The following LCA5 variants were observed in gnomAD, a reference collection of about 807,000 sequenced individuals.
LCA5 encodes lebercilin.
Under a neutral mutation model 53.0 loss-of-function variants are expected in LCA5, and 37 were observed. That is an observed-to-expected ratio of 0.70 (90% CI 0.54 to 0.92). The LOEUF (loss-of-function observed/expected upper bound fraction) is 0.92, where lower values mean the gene tolerates loss of function less well. Ranked by LOEUF, LCA5 falls within the 40% of genes least tolerant of loss-of-function variation. The probability of loss-of-function intolerance (pLI) is 0.00; values close to 1 mark genes in which losing one functional copy is unlikely to be tolerated. For missense variants in LCA5, 806 were observed against 790.5 expected, an observed-to-expected ratio of 1.02 and a Z score of -0.23; for synonymous variants, 303 against 282.9, an observed-to-expected ratio of 1.07 and a Z score of -0.71.
intron 2 of LCA5, among the ~76,000 whole-genome samples, chr6:79,518,397 T>G (rs1222252103): frequency 6.6e-6 from 1 of 152,084 alleles, no homozygotes; most frequent in African/African-American, 2.4e-5. Context: ...TTATAAACTT[T>G]TTTGCCTTTA....
upstream of LCA5, among the ~76,000 whole-genome samples, chr6:79,537,690 G>C (rs1767198298): frequency 6.6e-6 from 1 of 152,222 alleles, no homozygotes; most frequent in Non-Finnish European, 1.5e-5. Context: ...TGGGCTCCGA[G>C]AGGGACGCGG....
chr6:79,537,438 G>C (rs1562118037), upstream of LCA5: 1 of 152,366 alleles, frequency 6.6e-6, no homozygotes, highest in East Asian at 1.9e-4. Flanking sequence ...ACTGCACTAC[G>C]AAGAGACCGC....
intron 2 of LCA5, 40 bp from the exon 3 acceptor site, chr6:79,513,781 C>T: frequency 2.5e-6 from 4 of 1,585,598 alleles, no homozygotes; most frequent in Non-Finnish European, 3.5e-6. Context: ...GAAAGCTGTA[C>T]CAAACACAGT....
intron 1 of LCA5, among the ~76,000 whole-genome samples, chr6:79,532,133 G>A (rs1766977004): frequency 6.6e-6 from 1 of 152,060 alleles, no homozygotes; most frequent in Non-Finnish European, 1.5e-5. Context: ...GATTGTCCTG[G>A]ATTCCTTCTT....
intron 1 of LCA5, among the ~76,000 whole-genome samples, chr6:79,521,518 AATT>A (rs1036260103): frequency 1.3e-5 from 2 of 152,238 alleles, no homozygotes; most frequent in African/African-American, 4.8e-5. Flanking sequence ...ACAAATGAGT[AATT>A]ATTATTGGTG....
At chr6:79,509,790 A>T (rs1054618478) in intron 3 of LCA5, among the ~76,000 whole-genome samples, 1 of 152,214 alleles carries the variant, frequency 6.6e-6, no homozygotes, top group African/African-American at 2.4e-5. Flanking sequence ...ATTTAAGTAT[A>T]AATCTAAAAC....
At chr6:79,488,442 G>T (rs1376814574) in intron 7 of LCA5, 2 of 153,358 alleles carry the variant, frequency 1.3e-5, no homozygotes, top group Non-Finnish European at 2.9e-5. Context: ...GATTAAAGAA[G>T]ACTGAAGAGA....
chr6:79,519,856 TATC>T (rs1407973761), intron 1 of LCA5, among the ~76,000 whole-genome samples: 6 of 152,130 alleles, frequency 3.9e-5, no homozygotes, highest in African/African-American at 1.2e-4. Flanking sequence ...AAAAAATTGT[TATC>T]ATCTTCAATA....
intron 1 of LCA5, among the ~76,000 whole-genome samples, chr6:79,531,589 C>T (rs1766960665): frequency 1.3e-5 from 2 of 152,164 alleles, no homozygotes; most frequent in Admixed American, 6.6e-5. Context: ...GTCAAGCTCA[C>T]CAATGACATT....
chr6:79,488,952 A>T, intron 7 of LCA5, 132 bp downstream of exon 7: 1 of 1,011,588 alleles, frequency 9.9e-7, no homozygotes. Context: ...GCCATCCCCT[A>T]CCACTGTATC....
At position 79,487,752 on chromosome 6, in the gene LCA5, T is replaced by C. The variant is rs1769711427; in HGVS notation, c.1346A>G (p.Gln449Arg). 1.9e-6 allele frequency: 3 copies of C among 1,613,768 alleles called. No individual in the cohort carries two copies. The East Asian group carries it at 6.7e-5, about 36-fold the overall frequency. Reference sequence around the variant, plus strand: ...CTCTCCTTGCAATTTATCCATATTCTGAATTGGATACATTCCTAGTTGGTA... The same window carrying C: ...CTCTCCTTGCAATTTATCCATATTCCGAATTGGATACATTCCTAGTTGGTA... Reference protein sequence around the residue: ...GRYQLGMYPIQNMDKLQGEEE... With the variant: ...GRYQLGMYPIRNMDKLQGEEE... The change falls in exon 8 of 8, where the codon CAG becomes CGG. Residue 449 changes from glutamine to arginine, a missense_variant. Coordinates refer to ENST00000369846, the MANE Select transcript of LCA5 (RefSeq NM_001122769.3).
chr6:79,507,167 A>G (rs1309844913), intron 3 of LCA5, among the ~76,000 whole-genome samples: 1 of 152,200 alleles, frequency 6.6e-6, no homozygotes, highest in Non-Finnish European at 1.5e-5. Context: ...TTGAAGCAGA[A>G]GCAGATATGA....
At chr6:79,532,472 G>A (rs1766985973) in intron 1 of LCA5, among the ~76,000 whole-genome samples, 1 of 152,094 alleles carries the variant, frequency 6.6e-6, no homozygotes. Flanking sequence ...ACTTATACAA[G>A]GTCTAGTCCT....
chr6:79,518,337 G>T (rs938043352), intron 2 of LCA5, among the ~76,000 whole-genome samples: 1 of 151,860 alleles, frequency 6.6e-6, no homozygotes, highest in Admixed American at 6.6e-5. Flanking sequence ...ACTTTATGTC[G>T]ATGCTTTTTC....
In LCA5 at chr6:79,485,071, T is replaced by C. The variant is rs1769607488; in HGVS notation, c.*1933A>G. ...TTAGAAAAAAAAACAATTTACCCTG[T>C]AAGGTTTGTTCATAAGGAAAACCCT... On this transcript the variant is annotated 3_prime_UTR_variant, in exon 8 of 8. Transcript: ENST00000369846. The C allele has an allele frequency of 6.6e-6, 1 of 152,554 alleles. No individual in the cohort carries two copies. The highest frequency in any genetic ancestry group is 1.9e-4 in the East Asian group (1 of 5,198). The allele number at this position is 152,554 out of a possible 1,614,324, so 9.5% of individuals were successfully genotyped here. A position where few individuals can be genotyped will look rare whatever the true frequency, so the allele number is the denominator to read the frequency against.
chr6:79,532,386 A>G (rs1341056074), intron 1 of LCA5, among the ~76,000 whole-genome samples: 2 of 152,186 alleles, frequency 1.3e-5, no homozygotes, highest in East Asian at 1.9e-4. Flanking sequence ...AACAGAAATC[A>G]GACCAGCACT....
intron 1 of LCA5, among the ~76,000 whole-genome samples, chr6:79,524,424 A>G (rs1766721200): frequency 6.6e-6 from 1 of 152,172 alleles, no homozygotes; most frequent in Admixed American, 6.5e-5. Flanking sequence ...CTTTTCATAC[A>G]TTCCAAATTC....
In LCA5 at chr6:79,507,145, T is replaced by C. The variant is rs1018587350; in HGVS notation, c.720+6067A>G. On this transcript the variant is annotated intron_variant, in intron 3 of 7. Coordinates refer to ENST00000369846, the MANE Select transcript of LCA5 (RefSeq NM_001122769.3). The stretch of plus-strand genomic sequence containing the variant: ...TTCTTCATACTTATCAATCACAACA[T>C]AATGCAACAGATTGAAGCAGAAGCA... Among the ~76,000 whole-genome samples the C allele has an allele frequency of 2.0e-5, 3 of 152,182 alleles. No individual in the cohort carries two copies. The East Asian group carries it at 5.8e-4, about 29-fold the overall frequency.
intron 3 of LCA5, among the ~76,000 whole-genome samples, chr6:79,498,053 A>G (rs986569098): frequency 3.9e-5 from 6 of 152,040 alleles, no homozygotes; most frequent in African/African-American, 1.4e-4. Flanking sequence ...AGTGTAAATC[A>G]TAGTATAACC....
Sources: allele counts gnomAD v4.1 joint callset (sites outside exome capture counted in the v4.1 genomes callset), GRCh38; gene constraint gnomAD v4.1.1; transcripts MANE v1.5; gene names NCBI Gene and HGNC (gene_info 2026-07-23, HGNC 2026-07-21).